Variants in UGT3A1 observed in about 807,000 individuals in gnomAD.
UGT3A1 encodes the protein UDP glycosyltransferase family 3 member A1.
In UGT3A1, 40 loss-of-function variants were observed where a neutral mutation model predicts 37.6. That is an observed-to-expected ratio of 1.06 (90% CI 0.83 to 1.38). The LOEUF (loss-of-function observed/expected upper bound fraction) is 1.38. Among genes scored for constraint, UGT3A1 ranks in the 40% most tolerant of loss-of-function variants. UGT3A1 has a pLI of 0.00. For synonymous variants in UGT3A1, 256 were observed against 232.3 expected (o/e 1.10, Z -0.93); for missense variants, 642 against 634.2 (o/e 1.01, Z -0.13).
intron 2 of UGT3A1, among the ~76,000 whole-genome samples, chr5:35,978,792 C>T (rs1740403131): frequency 6.6e-6 from 1 of 152,178 alleles, no homozygotes; most frequent in Non-Finnish European, 1.5e-5. Context: ...CAAAAGTCCA[C>T]AGTCCAATGT....
At chr5:35,954,573 CTT>C (rs911037601) in intron 6 of UGT3A1, 95 bp from the exon 7 acceptor site, 1 of 1,451,742 alleles carries the variant, frequency 6.9e-7, no homozygotes, top group African/African-American at 1.4e-5. Context: ...CATACAAACA[CTT>C]TTCTAACACA....
chr5:35,989,151 T>C lies in UGT3A1; in HGVS notation c.95-600A>G, dbSNP rs935835489. 2.0e-5 allele frequency among the ~76,000 whole-genome samples: 3 copies of C among 152,204 alleles called. No individual in the cohort carries two copies. The East Asian group carries it at 5.8e-4, about 29-fold the overall frequency. Reference sequence around the variant, plus strand: ...TAAAATGTATTTGGCAGGAAATTACTCAATTTGGGCCAATGTACAACTTAT... The same window carrying C: ...TAAAATGTATTTGGCAGGAAATTACCCAATTTGGGCCAATGTACAACTTAT... On this transcript the variant is annotated intron_variant, in intron 1 of 6. Transcript: ENST00000274278.
intron 3 of UGT3A1, among the ~76,000 whole-genome samples, chr5:35,967,190 T>C (rs1199069625): frequency 1.3e-5 from 2 of 152,166 alleles, no homozygotes; most frequent in East Asian, 3.8e-4. Flanking sequence ...CAACACAAGA[T>C]GCCATAGACT....
At chr5:35,964,666 C>T (rs986026235) in intron 4 of UGT3A1, among the ~76,000 whole-genome samples, 4 of 152,172 alleles carry the variant, frequency 2.6e-5, no homozygotes, top group African/African-American at 9.7e-5. Flanking sequence ...TGGAGATGAA[C>T]ACACCTCCCT....
chr5:35,970,515 C>T (rs1019160092), intron 2 of UGT3A1, among the ~76,000 whole-genome samples: 4 of 152,060 alleles, frequency 2.6e-5, no homozygotes, highest in African/African-American at 7.2e-5. Flanking sequence ...CGTGGGAATT[C>T]GAGATAAGAT....
chr5:35,996,191 G>A (rs1164736945), upstream of UGT3A1, among the ~76,000 whole-genome samples: 2 of 152,118 alleles, frequency 1.3e-5, no homozygotes, highest in Admixed American at 6.5e-5. Context: ...TACCTTAAGC[G>A]AGGCTGCCTT....
At chr5:35,979,465 G>A (rs1740431413) in intron 2 of UGT3A1, among the ~76,000 whole-genome samples, 1 of 151,896 alleles carries the variant, frequency 6.6e-6, no homozygotes, top group African/African-American at 2.4e-5. Context: ...TCTAGGGCAG[G>A]GGCAAAGAGT....
chr5:35,977,942 T>G (rs1354856914), intron 2 of UGT3A1, among the ~76,000 whole-genome samples: 1 of 152,238 alleles, frequency 6.6e-6, no homozygotes, highest in African/African-American at 2.4e-5. Flanking sequence ...GAAATTTTCT[T>G]GGAATGATGG....
chr5:35,972,463 C>T (rs901798236), intron 2 of UGT3A1, among the ~76,000 whole-genome samples: 1 of 150,794 alleles, frequency 6.6e-6, no homozygotes, highest in African/African-American at 2.4e-5. Flanking sequence ...TTGCTAACAT[C>T]TCAAATTATG....
chr5:35,969,136 A>C (rs1489917035), intron 2 of UGT3A1, among the ~76,000 whole-genome samples: 1 of 152,216 alleles, frequency 6.6e-6, no homozygotes, highest in East Asian at 1.9e-4. Flanking sequence ...TAAGACTGAC[A>C]TCAGTGCAAT....
Position 35,959,444 on chromosome 5 carries a change from A to G in UGT3A1, c.844-2025T>C, listed in dbSNP as rs547347950. The stretch of plus-strand genomic sequence containing the variant: ...AAGGAGCTCATGGAAAACATGGGAA[A>G]AAAACTAAAGTAAACAAGAAAAACA... On this transcript the variant is annotated intron_variant, in intron 4 of 6. Coordinates refer to ENST00000274278, the MANE Select transcript of UGT3A1 (RefSeq NM_152404.4). 2.6e-5 allele frequency among the ~76,000 whole-genome samples: 4 copies of G among 152,348 alleles called. No individual in the cohort carries two copies. The South Asian group carries it at 8.3e-4, about 32-fold the overall frequency.
upstream of UGT3A1, among the ~76,000 whole-genome samples, chr5:35,992,615 A>C (rs1740985784): frequency 6.6e-6 from 1 of 152,268 alleles, no homozygotes; most frequent in Non-Finnish European, 1.5e-5. Context: ...TAAGAAATGA[A>C]ATACATAATA....
At chr5:35,976,321 T>C (rs1193855058) in intron 2 of UGT3A1, among the ~76,000 whole-genome samples, 1 of 152,144 alleles carries the variant, frequency 6.6e-6, no homozygotes, top group East Asian at 1.9e-4. Context: ...TAGTTTGCAT[T>C]ATAGAAGATC....
chr5:35,991,080 G>C, intron 1 of UGT3A1, 67 bp downstream of exon 1: 1 of 1,613,936 alleles, frequency 6.2e-7, no homozygotes, highest in African/African-American at 1.3e-5. Flanking sequence ...ATCGCCGTTC[G>C]CTGGAGCCCT....
intron 3 of UGT3A1, 116 bp from the exon 4 acceptor site, chr5:35,966,033 T>A (rs767486347): frequency 1.6e-5 from 12 of 773,398 alleles, no homozygotes; most frequent in Non-Finnish European, 2.1e-5. Context: ...CCAGTATCCA[T>A]CAACCCATTC....
chr5:35,969,603 A>G (rs1318955698), intron 2 of UGT3A1, among the ~76,000 whole-genome samples: 1 of 152,216 alleles, frequency 6.6e-6, no homozygotes, highest in African/African-American at 2.4e-5. Context: ...ACAAAGGTCT[A>G]CAACTTAACC....
chr5:35,979,641 A>G (rs1404902215), intron 2 of UGT3A1, among the ~76,000 whole-genome samples: 1 of 152,176 alleles, frequency 6.6e-6, no homozygotes, highest in Non-Finnish European at 1.5e-5. Flanking sequence ...TGAGCCCTCC[A>G]AACTGTTCCA....
chr5:35,983,376 C>T (rs1203186107), intron 2 of UGT3A1, among the ~76,000 whole-genome samples: 1 of 152,100 alleles, frequency 6.6e-6, no homozygotes, highest in Admixed American at 6.5e-5. Context: ...CCTCAACAAA[C>T]TTATCATGAG....
At chr5:35,980,835 T>C (rs1284826882) in intron 2 of UGT3A1, among the ~76,000 whole-genome samples, 1 of 152,222 alleles carries the variant, frequency 6.6e-6, no homozygotes. Context: ...CAGATAAAGA[T>C]GTTGTACATT....
Sources: gnomAD v4.1 joint callset for allele counts (sites outside exome capture counted in the v4.1 genomes callset) on GRCh38, gnomAD v4.1.1 for gene constraint, MANE v1.5 for transcripts, NCBI Gene and HGNC (gene_info 2026-07-23, HGNC 2026-07-21) for gene names.